Variants in MED27 observed in about 807,000 individuals in gnomAD.
MED27 encodes mediator of RNA polymerase II transcription subunit 27.
Under a neutral mutation model 38.2 loss-of-function variants are expected in MED27, and 30 were observed. That is an observed-to-expected ratio of 0.79 (90% CI 0.59 to 1.07). The LOEUF (loss-of-function observed/expected upper bound fraction) is 1.07, where lower values mean the gene tolerates loss of function less well. Ranked by LOEUF, MED27 falls within the 50% of genes least tolerant of loss-of-function variation. MED27 has a pLI of 0.00. For missense variants in MED27, 289 were observed against 397.5 expected (o/e 0.73, Z 2.32); for synonymous variants, 122 against 153.5 (o/e 0.79, Z 1.52).
At chr9:131,957,152 T>C (rs1036282765) in intron 3 of MED27, among the ~76,000 whole-genome samples, 1 of 152,154 alleles carries the variant, frequency 6.6e-6, no homozygotes, top group Non-Finnish European at 1.5e-5. Context: ...AATATACACA[T>C]ACAACATAAG....
intron 3 of MED27, among the ~76,000 whole-genome samples, chr9:131,956,370 C>T (rs1482506616): frequency 6.6e-6 from 1 of 152,136 alleles, no homozygotes; most frequent in Non-Finnish European, 1.5e-5. Flanking sequence ...TGTAAATGCA[C>T]TTCGGGAGGC....
At chr9:131,884,150 C>A (rs1412778241) in intron 5 of MED27, 51 bp from the exon 6 acceptor site, 3 of 1,463,358 alleles carry the variant, frequency 2.1e-6, no homozygotes, top group Non-Finnish European at 2.8e-6. Context: ...GAATTCGGGA[C>A]TTCAAGAAAT....
At chr9:132,015,942 G>C (rs1379011752) in intron 2 of MED27, among the ~76,000 whole-genome samples, 1 of 152,132 alleles carries the variant, frequency 6.6e-6, no homozygotes, top group African/African-American at 2.4e-5. Context: ...GATTAAGCAA[G>C]GTCTTTCAAA....
chr9:131,881,547 T>C (rs1387014906), intron 6 of MED27, among the ~76,000 whole-genome samples: 1 of 152,204 alleles, frequency 6.6e-6, no homozygotes, highest in Non-Finnish European at 1.5e-5. Flanking sequence ...TGATTTTCTT[T>C]GTTAAAACTT....
intron 4 of MED27, among the ~76,000 whole-genome samples, chr9:131,910,330 A>C (rs1267209061): frequency 6.6e-6 from 1 of 152,152 alleles, no homozygotes; most frequent in Admixed American, 6.5e-5. Flanking sequence ...TCCTTGTTAC[A>C]TTGTATCCCA....
chr9:131,967,839 G>A (rs975817663), intron 3 of MED27, among the ~76,000 whole-genome samples: 136 of 123,850 alleles, frequency 1.1e-3, no homozygotes, highest in African/African-American at 3.6e-3. Context: ...TTTTTTTTGA[G>A]ACGGAGTCTC....
chr9:131,878,379 T>C (rs1224355222), intron 6 of MED27, among the ~76,000 whole-genome samples: 1 of 152,156 alleles, frequency 6.6e-6, no homozygotes, highest in Non-Finnish European at 1.5e-5. Flanking sequence ...GCCCAGAACA[T>C]GACCCACCAT....
intron 4 of MED27, among the ~76,000 whole-genome samples, chr9:131,939,132 G>A (rs971986602): frequency 6.6e-6 from 1 of 152,216 alleles, no homozygotes; most frequent in Non-Finnish European, 1.5e-5. Flanking sequence ...GTGACTTAAG[G>A]TGAAATGGTC....
At chr9:131,994,307 G>C (rs1173451082) in intron 3 of MED27, among the ~76,000 whole-genome samples, 1 of 152,086 alleles carries the variant, frequency 6.6e-6, no homozygotes, top group African/African-American at 2.4e-5. Flanking sequence ...TTGGTCTATG[G>C]GGTAAGATCT....
intron 2 of MED27, among the ~76,000 whole-genome samples, chr9:132,071,278 G>A (rs573014313): frequency 6.6e-6 from 1 of 152,168 alleles, no homozygotes. Context: ...CTGAACCACC[G>A]AGCAACACTG....
intron 3 of MED27, among the ~76,000 whole-genome samples, chr9:131,970,893 T>A (rs1831462430): frequency 6.6e-6 from 1 of 152,190 alleles, no homozygotes; most frequent in African/African-American, 2.4e-5. Flanking sequence ...AAAGGCATTT[T>A]TAGACAAGTA....
At chr9:131,900,515 G>A (rs1057118163) in intron 4 of MED27, among the ~76,000 whole-genome samples, 4 of 152,318 alleles carry the variant, frequency 2.6e-5, no homozygotes, top group African/African-American at 9.6e-5. Context: ...AGAGGAGCTG[G>A]TCACTTAAAA....
intron 4 of MED27, among the ~76,000 whole-genome samples, chr9:131,932,556 A>G (rs1830611259): frequency 1.3e-5 from 2 of 152,130 alleles, no homozygotes; most frequent in African/African-American, 4.8e-5. Flanking sequence ...ACCTACCGAG[A>G]CTGAACCATG....
At chr9:132,078,208 A>G (rs1161129372) in intron 1 of MED27, among the ~76,000 whole-genome samples, 1 of 152,166 alleles carries the variant, frequency 6.6e-6, no homozygotes, top group Non-Finnish European at 1.5e-5. Context: ...ACATTCCAGG[A>G]GTACGTTCTG....
Position 131,982,014 on chromosome 9 carries a change from G to T in MED27, c.479+32323C>A, listed in dbSNP as rs1831748031. The stretch of plus-strand genomic sequence containing the variant: ...TATGTTTCTATCAGCAGCAGTAGCA[G>T]AAGTGGTAGATACCACTTATCATGC... On this transcript the variant is annotated intron_variant, in intron 3 of 7. Transcript: ENST00000292035. This position sits in a 1 kb window ranked among gnomAD's most constrained non-coding sequence, Gnocchi z 4.3. 6.6e-6 allele frequency among the ~76,000 whole-genome samples: 1 copy of T among 152,218 alleles called. No individual in the cohort carries two copies. Among genetic ancestry groups the T allele is most frequent in the African/African-American group, 2.4e-5 (1 of 41,456 alleles).
chr9:131,932,353 C>G (rs1181740153), intron 4 of MED27, among the ~76,000 whole-genome samples: 3 of 142,364 alleles, frequency 2.1e-5, no homozygotes, highest in Non-Finnish European at 4.6e-5. Flanking sequence ...CAAAATAAAA[C>G]TGGCAAACCT....
intron 1 of MED27, among the ~76,000 whole-genome samples, chr9:132,078,840 T>C (rs145425469): frequency 6.6e-6 from 1 of 152,338 alleles, no homozygotes; most frequent in Non-Finnish European, 1.5e-5. Flanking sequence ...GTTCAGGACC[T>C]AAGCAATCAA....
intron 3 of MED27, among the ~76,000 whole-genome samples, chr9:131,980,499 T>C (rs903818569): frequency 2.0e-5 from 3 of 152,184 alleles, no homozygotes; most frequent in African/African-American, 7.2e-5. Flanking sequence ...TGTCTGCACT[T>C]TGTCTTTCCA....
chr9:131,882,051 G>A (rs1259023295), intron 6 of MED27, among the ~76,000 whole-genome samples: 2 of 151,970 alleles, frequency 1.3e-5, no homozygotes, highest in African/African-American at 4.8e-5. Flanking sequence ...ACCGCACCCG[G>A]CCCCATTAGT....
Sources: gnomAD v4.1 joint callset for allele counts (sites outside exome capture counted in the v4.1 genomes callset) on GRCh38, gnomAD v4.1.1 for gene constraint, Gnocchi (gnomAD v3.1) non-coding constraint, MANE v1.5 for transcripts, NCBI Gene and HGNC (gene_info 2026-07-23, HGNC 2026-07-21) for gene names.